The following SWT1 variants were observed in gnomAD, a reference collection of about 807,000 sequenced individuals.
SWT1 encodes transcriptional protein SWT1.
A neutral mutation model predicts 107.3 loss-of-function variants in SWT1; 33 were observed. That is an observed-to-expected ratio of 0.31 (90% CI 0.23 to 0.41). The LOEUF (loss-of-function observed/expected upper bound fraction) is 0.41. SWT1 is among the 10% of genes least tolerant of loss of function. SWT1 has a pLI of 1.00. For missense variants in SWT1, 898 were observed against 1,028.9 expected, an observed-to-expected ratio of 0.87 and a Z score of 1.74; for synonymous variants, 345 against 348.3, an observed-to-expected ratio of 0.99 and a Z score of 0.11.
In SWT1 at chr1:185,246,822, T is replaced by A. The variant is rs181061733; in HGVS notation, c.2441+15114T>A. On this transcript the variant is annotated intron_variant, in intron 16 of 18. Transcript: ENST00000367500. ...TATTTTAAATTTTTGGTAGATAAGA[T>A]CTCACTATGTCCTCCAGGCTGGTCT... Among the ~76,000 whole-genome samples the A allele has an allele frequency of 5.3e-5, 8 of 151,718 alleles. No individual in the cohort carries two copies. The East Asian group carries it at 1.2e-3, about 22-fold the overall frequency.
At chr1:185,239,318 T>G (rs953936871) in intron 16 of SWT1, among the ~76,000 whole-genome samples, 1 of 152,128 alleles carries the variant, frequency 6.6e-6, no homozygotes, top group Non-Finnish European at 1.5e-5. Context: ...TAACTATGTT[T>G]ACATGCGCTA....
intron 16 of SWT1, among the ~76,000 whole-genome samples, chr1:185,245,778 T>C (rs1661563573): frequency 6.6e-6 from 1 of 152,022 alleles, no homozygotes; most frequent in African/African-American, 2.4e-5. Context: ...TTATAATCTT[T>C]TTTTTTTTGA....
intron 12 of SWT1, 81 bp from the exon 13 acceptor site, chr1:185,206,544 G>A: frequency 3.8e-6 from 3 of 792,352 alleles, no homozygotes; most frequent in Non-Finnish European, 5.5e-6. Context: ...CAAAATATAT[G>A]TAGGAATTCC....
At chr1:185,265,740 C>T (rs1663326317) in intron 16 of SWT1, among the ~76,000 whole-genome samples, 1 of 152,032 alleles carries the variant, frequency 6.6e-6, no homozygotes, top group South Asian at 2.1e-4. Context: ...TTATTCAGTC[C>T]CTTGTATTTA....
chr1:185,223,027 C>G (rs1659789507), intron 15 of SWT1, among the ~76,000 whole-genome samples: 2 of 152,282 alleles, frequency 1.3e-5, no homozygotes, highest in South Asian at 4.1e-4. Flanking sequence ...GCAGGCATCT[C>G]TTTGACATAC....
intron 18 of SWT1, chr1:185,281,149 A>C (rs1374843945): frequency 4.0e-6 from 1 of 249,704 alleles, no homozygotes; most frequent in Non-Finnish European, 8.0e-6. Context: ...GGGTGGCACC[A>C]CACAGGCCAT....
chr1:185,236,806 A>G (rs1660914825), intron 16 of SWT1, among the ~76,000 whole-genome samples: 1 of 152,202 alleles, frequency 6.6e-6, no homozygotes, highest in Non-Finnish European at 1.5e-5. Flanking sequence ...AATTTTTGCA[A>G]TCTATCCATC....
chr1:185,170,264 G>T (rs1453053076), intron 4 of SWT1, among the ~76,000 whole-genome samples: 1 of 152,180 alleles, frequency 6.6e-6, no homozygotes, highest in Non-Finnish European at 1.5e-5. Context: ...TATTGTTCCA[G>T]TTTCTGAAGG....
intron 18 of SWT1, among the ~76,000 whole-genome samples, chr1:185,277,448 C>T (rs1664318369): frequency 6.6e-6 from 1 of 152,004 alleles, no homozygotes. Context: ...ACCACCATGC[C>T]CGGCTAATTT....
Position 185,291,032 on chromosome 1 carries a change from T to C in SWT1, c.*229T>C. 1 of 271,430 alleles carries C rather than the reference T, an allele frequency of 3.7e-6. No homozygotes were observed. Among genetic ancestry groups the C allele is most frequent in the Admixed American group, 5.2e-5 (1 of 19,370 alleles). 16.8% of individuals were successfully genotyped at this position (271,430 alleles called of 1,614,324 possible). A position where few individuals can be genotyped will look rare whatever the true frequency, so the allele number is the denominator to read the frequency against. On this transcript the variant is annotated 3_prime_UTR_variant, in exon 19 of 19. Coordinates refer to ENST00000367500, the MANE Select transcript of SWT1 (RefSeq NM_017673.7). ...CAACTCTTCTGGAGTTCACAATGCC[T>C]CCCTACCTCTATTCTTGATAGTGAG...
intron 16 of SWT1, among the ~76,000 whole-genome samples, chr1:185,256,291 G>A (rs1424546173): frequency 6.6e-6 from 1 of 150,918 alleles, no homozygotes. Context: ...GTATCTTTGT[G>A]GCATTCTCTG....
At chr1:185,222,312 C>T (rs1201779260) in intron 15 of SWT1, among the ~76,000 whole-genome samples, 1 of 151,946 alleles carries the variant, frequency 6.6e-6, no homozygotes, top group African/African-American at 2.4e-5. Context: ...AAAAGTATTC[C>T]ATTGTGTATA....
At chr1:185,162,930 A>C (rs1654271955) in intron 2 of SWT1, among the ~76,000 whole-genome samples, 1 of 151,646 alleles carries the variant, frequency 6.6e-6, no homozygotes. Context: ...ACTGCACATC[A>C]GCCTGAGCAG....
intron 18 of SWT1, among the ~76,000 whole-genome samples, chr1:185,283,811 T>A (rs1664790119): frequency 6.6e-6 from 1 of 152,178 alleles, no homozygotes; most frequent in Non-Finnish European, 1.5e-5. Flanking sequence ...AATACTTCAT[T>A]CCTTTTCGTG....
At chr1:185,234,294 T>G (rs1276244073) in intron 16 of SWT1, among the ~76,000 whole-genome samples, 1 of 152,218 alleles carries the variant, frequency 6.6e-6, no homozygotes, top group East Asian at 1.9e-4. Flanking sequence ...TGAATCTGGG[T>G]ACTCCTGTAT....
intron 16 of SWT1, among the ~76,000 whole-genome samples, chr1:185,260,613 TTAGA>T (rs1416020060): frequency 6.6e-6 from 1 of 152,082 alleles, no homozygotes; most frequent in African/African-American, 2.4e-5. Flanking sequence ...GGGGCAAATG[TTAGA>T]TAGTAGGCTA....
intron 15 of SWT1, chr1:185,227,463 A>G (rs1317884034): frequency 5.0e-6 from 3 of 601,742 alleles, no homozygotes; most frequent in South Asian, 3.1e-5. Flanking sequence ...GTTTGTGTAC[A>G]TATGCTGTGC....
At chr1:185,180,509 T>C (rs1655932402) in intron 6 of SWT1, 59 bp downstream of exon 6, 4 of 1,253,030 alleles carry the variant, frequency 3.2e-6, no homozygotes, top group East Asian at 2.3e-5. Flanking sequence ...GTTCCTACTT[T>C]TAATAAAAAA....
At chr1:185,276,485 C>T in intron 17 of SWT1, 119 bp from the exon 18 acceptor site, 1 of 521,944 alleles carries the variant, frequency 1.9e-6, no homozygotes, top group South Asian at 2.9e-5. Flanking sequence ...GCTGTTTAAT[C>T]CTTTTTATGC....
Sources: gnomAD v4.1 joint callset for allele counts (sites outside exome capture counted in the v4.1 genomes callset) on GRCh38, gnomAD v4.1.1 for gene constraint, MANE v1.5 for transcripts, NCBI Gene and HGNC (gene_info 2026-07-23, HGNC 2026-07-21) for gene names.